The following STON2 variants were observed in gnomAD, a reference collection of about 807,000 sequenced individuals.
The protein encoded by STON2 is stonin 2.
A neutral mutation model predicts 65.7 loss-of-function variants in STON2; 29 were observed. The observed-to-expected ratio is 0.44, with a 90% CI of 0.33 to 0.60. STON2 has a LOEUF of 0.60. Among genes scored for constraint, STON2 ranks in the 20% least tolerant of loss-of-function variants. The probability of loss-of-function intolerance (pLI) is 0.03; values close to 1 mark genes in which losing one functional copy is unlikely to be tolerated. For synonymous variants in STON2, 404 were observed against 414.2 expected (o/e 0.98, Z 0.30); for missense variants, 1,054 against 1,118.1 (o/e 0.94, Z 0.82).
chr14:81,305,692 T>C (rs950489965), intron 5 of STON2, among the ~76,000 whole-genome samples: 6 of 152,158 alleles, frequency 3.9e-5, no homozygotes, highest in South Asian at 2.1e-4. Flanking sequence ...TTTTGCTTAA[T>C]AGACATTCTT....
At position 81,278,044 on chromosome 14, in the gene STON2, G is replaced by A. The variant is rs1448824879; in HGVS notation, c.1438C>T (p.Gln480Ter). The A allele has an allele frequency of 6.2e-7, 1 of 1,614,218 alleles. No homozygotes were observed. Among genetic ancestry groups the A allele is most frequent in the Admixed American group, 1.7e-5 (1 of 60,034 alleles). ...ATCATTGGCCACCCGTCACGAGGCT[G>A]GGACCGTGCTGATCCAGGCGGGTGA... ...DAHPPGSARS[Q>*]PRDGWPMMLR... Residue 480 changes from glutamine to a stop codon, truncating the protein, a stop_gained, in exon 6 of 8, where the codon CAG (glutamine) becomes TAG (stop). Transcript: ENST00000614646. LOFTEE classifies it high-confidence loss of function.
At chr14:81,285,418 G>C (rs550692475) in intron 5 of STON2, among the ~76,000 whole-genome samples, 1 of 152,208 alleles carries the variant, frequency 6.6e-6, no homozygotes, top group Admixed American at 6.5e-5. Flanking sequence ...AACAGTGAGA[G>C]AACAAGAAGT....
Position 81,262,134 on chromosome 14 carries a change from T to C in STON2, c.*6280A>G, listed in dbSNP as rs1295724128. On this transcript the variant is annotated 3_prime_UTR_variant, in exon 8 of 8. Transcript: ENST00000614646. Reference sequence around the variant, plus strand: ...GGAAAGGACTTGAAGAAACAATTAATCCAACTTCCTCACTTTTTTGTCTCA... The same window carrying C: ...GGAAAGGACTTGAAGAAACAATTAACCCAACTTCCTCACTTTTTTGTCTCA... 2 of 985,146 alleles carry C rather than the reference T, an allele frequency of 2.0e-6. No individual in the cohort carries two copies. The highest frequency in any genetic ancestry group is 4.7e-5 in the South Asian group (1 of 21,290). 61.0% of individuals were successfully genotyped at this position (985,146 alleles called of 1,614,324 possible).
intron 2 of STON2, among the ~76,000 whole-genome samples, chr14:81,415,691 T>G (rs540853981): frequency 1.5e-3 from 177 of 120,712 alleles, no homozygotes; most frequent in African/African-American, 6.0e-3. Flanking sequence ...AAAAAAAAAA[T>G]CTATTGTAAT....
intron 4 of STON2, among the ~76,000 whole-genome samples, chr14:81,338,084 C>T (rs184437291): frequency 0.013 from 1,935 of 152,210 alleles, 36 homozygotes; most frequent in African/African-American, 0.044. Context: ...GGTTGTTGAC[C>T]CTGATTCTTG....
Position 81,371,185 on chromosome 14 carries a change from G to C in STON2, c.374C>G (p.Ala125Gly), listed in dbSNP as rs1334228455. The C allele has an allele frequency of 6.2e-7, 1 of 1,613,582 alleles. No individual in the cohort carries two copies. The highest frequency in any genetic ancestry group is 2.2e-5 in the East Asian group (1 of 44,884). ...CCAGCAGGGCATGGTCAATGGTAGG[G>C]CTGGGGAGAGACCAAAAACCAAAAG... ...SPPHQETAET[A>G]LPLTMPCWTC... Residue 125 changes from alanine to glycine, a missense_variant and splice_region_variant, in exon 4 of 8, where the codon GCC becomes GGC. Ala to Gly is a moderately conservative substitution (Grantham distance 60). Coordinates refer to ENST00000614646, the MANE Select transcript of STON2 (RefSeq NM_001394390.1).
chr14:81,352,603 G>A lies in STON2; in HGVS notation c.571+18385C>T, dbSNP rs747129416. ...CACAGGAGGGACAGAGCTGCATAAC[G>A]TTGACAAGCCTGGATGTCATTCTTA... On this transcript the variant is annotated intron_variant, in intron 4 of 7. Coordinates refer to ENST00000614646, the MANE Select transcript of STON2 (RefSeq NM_001394390.1). Among the ~76,000 whole-genome samples the A allele has an allele frequency of 1.4e-4, 21 of 152,256 alleles. No homozygotes were observed. In the East Asian group the frequency reaches 1.5e-3, roughly 11 times the overall value.
intron 6 of STON2, among the ~76,000 whole-genome samples, chr14:81,275,625 TG>T (rs1894783785): frequency 6.6e-6 from 1 of 152,016 alleles, no homozygotes. Flanking sequence ...GAGGAACACT[TG>T]GTTTTAAAAA....
chr14:81,408,157 A>ACACACGCGCG (rs147841517), intron 2 of STON2, among the ~76,000 whole-genome samples: 103 of 150,522 alleles, frequency 6.8e-4, no homozygotes, highest in South Asian at 4.2e-3. Flanking sequence ...ACACACACAC[A>ACACACGCGCG]CGCGCACACA....
At chr14:81,339,521 A>G (rs978655526) in intron 4 of STON2, among the ~76,000 whole-genome samples, 8 of 152,172 alleles carry the variant, frequency 5.3e-5, no homozygotes, top group African/African-American at 1.4e-4. Flanking sequence ...GGCCCTGAGT[A>G]GTAGGTCAAT....
intron 2 of STON2, among the ~76,000 whole-genome samples, chr14:81,407,570 T>A (rs1900930287): frequency 6.6e-6 from 1 of 152,194 alleles, no homozygotes; most frequent in South Asian, 2.1e-4. Flanking sequence ...ACATCCACTT[T>A]TTGGGTTTGA....
At chr14:81,318,822 CAG>C (rs1394192415) in intron 5 of STON2, among the ~76,000 whole-genome samples, 5 of 152,202 alleles carry the variant, frequency 3.3e-5, no homozygotes, top group African/African-American at 1.2e-4. Flanking sequence ...GCCTGGATGA[CAG>C]AGTGAGACTC....
chr14:81,400,391 C>T (rs752982999), upstream of STON2, among the ~76,000 whole-genome samples: 2 of 147,866 alleles, frequency 1.4e-5, no homozygotes, highest in Non-Finnish European at 3.0e-5. Context: ...GTAATGGCTG[C>T]GGGCCAAGAT....
chr14:81,385,581 T>C (rs1163685967), intron 3 of STON2, among the ~76,000 whole-genome samples: 2 of 152,190 alleles, frequency 1.3e-5, no homozygotes, highest in Admixed American at 6.5e-5. Context: ...CTTGCCTATC[T>C]TGTTTAAAAA....
intron 5 of STON2, among the ~76,000 whole-genome samples, chr14:81,321,198 AC>A (rs1220809060): frequency 6.6e-6 from 1 of 152,094 alleles, no homozygotes; most frequent in Admixed American, 6.5e-5. Flanking sequence ...CAGAAAAATC[AC>A]CATGACCTTT....
intron 5 of STON2, among the ~76,000 whole-genome samples, chr14:81,294,148 C>T (rs1785771052): frequency 6.6e-6 from 1 of 152,178 alleles, no homozygotes; most frequent in Non-Finnish European, 1.5e-5. Context: ...GATATAAATT[C>T]CTAGAACCTT....
intron 4 of STON2, among the ~76,000 whole-genome samples, chr14:81,358,493 T>C (rs2140333797): frequency 6.6e-6 from 1 of 152,114 alleles, no homozygotes; most frequent in South Asian, 2.1e-4. Flanking sequence ...GGAAAATGTA[T>C]CTACAAAACA....
chr14:81,318,012 C>T (rs10141989), intron 5 of STON2, among the ~76,000 whole-genome samples: 113,337 of 145,014 alleles, frequency 0.78, 43,986 homozygotes, highest in Non-Finnish European at 0.8. Flanking sequence ...GTTGCCCAGG[C>T]TGGAGTGTAG....
chr14:81,299,784 G>A (rs1895898509), intron 5 of STON2, among the ~76,000 whole-genome samples: 1 of 151,940 alleles, frequency 6.6e-6, no homozygotes, highest in Non-Finnish European at 1.5e-5. Flanking sequence ...AGATGTGTAA[G>A]GCCTCTTCAC....
Sources: allele counts gnomAD v4.1 joint callset (sites outside exome capture counted in the v4.1 genomes callset), GRCh38; gene constraint gnomAD v4.1.1; transcripts MANE v1.5; gene names NCBI Gene and HGNC (gene_info 2026-07-23, HGNC 2026-07-21).